Variants in ATP8A2 observed in about 807,000 individuals in gnomAD.
ATP8A2 encodes the protein ATPase phospholipid transporting 8A2.
A neutral mutation model predicts 165.6 loss-of-function variants in ATP8A2; 100 were observed. The observed-to-expected ratio is 0.60, with a 90% CI of 0.51 to 0.71. ATP8A2 has a LOEUF of 0.71. Ranked by LOEUF, ATP8A2 falls within the 30% of genes least tolerant of loss-of-function variation. ATP8A2 has a pLI of 0.00. For synonymous variants in ATP8A2, 543 were observed against 548.8 expected, an observed-to-expected ratio of 0.99 and a Z score of 0.15; for missense variants, 1,227 against 1,479.5, an observed-to-expected ratio of 0.83 and a Z score of 2.80.
chr13:25,843,143 G>T (rs1331642639), intron 30 of ATP8A2, among the ~76,000 whole-genome samples: 1 of 152,186 alleles, frequency 6.6e-6, no homozygotes, highest in African/African-American at 2.4e-5. Context: ...AAGAGGAGTA[G>T]GGGGTGGTCA....
At chr13:25,477,667 T>C (rs1194262431) in intron 2 of ATP8A2, among the ~76,000 whole-genome samples, 1 of 152,232 alleles carries the variant, frequency 6.6e-6, no homozygotes, top group Non-Finnish European at 1.5e-5. Flanking sequence ...CCAGGTGTGG[T>C]GGCTCACACC....
intron 27 of ATP8A2, among the ~76,000 whole-genome samples, chr13:25,812,759 A>C (rs1325770721): frequency 6.6e-6 from 1 of 152,096 alleles, no homozygotes; most frequent in Non-Finnish European, 1.5e-5. Flanking sequence ...GGTAGAAGGA[A>C]TGATACAAAA....
chr13:25,618,360 G>C (rs1386678397), intron 24 of ATP8A2, among the ~76,000 whole-genome samples: 1 of 152,096 alleles, frequency 6.6e-6, no homozygotes, highest in African/African-American at 2.4e-5. Flanking sequence ...AAATGACATT[G>C]ATACAGCTGG....
chr13:25,679,466 G>A (rs2042438703), intron 24 of ATP8A2, among the ~76,000 whole-genome samples: 1 of 152,174 alleles, frequency 6.6e-6, no homozygotes, highest in Non-Finnish European at 1.5e-5. Flanking sequence ...ACTTCCTTGG[G>A]TGTTAGGTCT....
At chr13:25,769,944 T>G (rs1033874852) in intron 26 of ATP8A2, among the ~76,000 whole-genome samples, 7 of 152,172 alleles carry the variant, frequency 4.6e-5, no homozygotes, top group African/African-American at 1.7e-4. Flanking sequence ...TCCGTAATGA[T>G]AGCCCAAAGG....
At chr13:25,829,668 GTATATATATATATATATATATATATA>G (rs71080203) in intron 28 of ATP8A2, among the ~76,000 whole-genome samples, 941 of 63,430 alleles carry the variant, frequency 0.015, 70 homozygotes, top group African/African-American at 0.051. Flanking sequence ...GACAGGTGTG[GTATATATATATATATATATATATATA>G]TATATATATA....
At chr13:26,005,951 A>T (rs2139336467) in intron 35 of ATP8A2, among the ~76,000 whole-genome samples, 1 of 152,026 alleles carries the variant, frequency 6.6e-6, no homozygotes, top group Middle Eastern at 3.4e-3. Context: ...GAGTTCTATG[A>T]CTTTGTTCTT....
chr13:25,420,093 C>T (rs1174888125), intron 1 of ATP8A2, among the ~76,000 whole-genome samples: 1 of 152,188 alleles, frequency 6.6e-6, no homozygotes, highest in East Asian at 1.9e-4. Context: ...TAAAATCAGT[C>T]ACAGACTCAG....
intron 33 of ATP8A2, among the ~76,000 whole-genome samples, chr13:25,872,068 G>A (rs984516211): frequency 2.2e-5 from 2 of 91,494 alleles, no homozygotes; most frequent in Non-Finnish European, 4.2e-5. Context: ...GCCCTCTTTC[G>A]GAATGCGCAT....
chr13:25,878,245 C>G (rs940432027), intron 33 of ATP8A2, among the ~76,000 whole-genome samples: 1 of 152,116 alleles, frequency 6.6e-6, no homozygotes. Flanking sequence ...TCAGACAACC[C>G]TGTGACTTGC....
At chr13:25,560,660 A>G (rs1360798831) in intron 15 of ATP8A2, among the ~76,000 whole-genome samples, 1 of 140,478 alleles carries the variant, frequency 7.1e-6, no homozygotes, top group Non-Finnish European at 1.5e-5. Context: ...AGATGGCACC[A>G]CTGCATTCCA....
At chr13:25,560,514 A>G (rs1379651651) in intron 15 of ATP8A2, among the ~76,000 whole-genome samples, 1 of 151,934 alleles carries the variant, frequency 6.6e-6, no homozygotes, top group Non-Finnish European at 1.5e-5. Flanking sequence ...AGCCTGGCCA[A>G]CATGGTGAAA....
At chr13:25,620,411 TAA>T (rs1273804779) in intron 24 of ATP8A2, among the ~76,000 whole-genome samples, 2 of 152,100 alleles carry the variant, frequency 1.3e-5, no homozygotes, top group African/African-American at 2.4e-5. Flanking sequence ...TCACAAAAGT[TAA>T]GAGCTGAGAG....
rs144283908 is a variant in ATP8A2, at chr13:25,892,478, G to GTCTCTCTCTCTCTCTCTCTCTC, written c.3183+30075_3183+30096dup. On this transcript the variant is annotated intron_variant, in intron 33 of 36. Transcript: ENST00000381655. ...CATTTCTCTCTCTCTCTGTCTCTCT[G>GTCTCTCTCTCTCTCTCTCTCTC]TCTCTCTCTCTCTCTCTCTCTCTCT... Among the ~76,000 whole-genome samples the GTCTCTCTCTCTCTCTCTCTCTC allele has an allele frequency of 5.5e-3, 745 of 136,152 alleles. 42 individuals are homozygous for GTCTCTCTCTCTCTCTCTCTCTC. The highest frequency in any genetic ancestry group is 0.015 in the Admixed American group (195 of 13,440). The allele number at this position is 136,152 out of a possible 152,430, so 89.3% of individuals were successfully genotyped here. A position where few individuals can be genotyped will look rare whatever the true frequency, so the allele number is the denominator to read the frequency against.
At chr13:25,813,810 CT>C (rs1377516149) in intron 27 of ATP8A2, among the ~76,000 whole-genome samples, 1 of 152,166 alleles carries the variant, frequency 6.6e-6, no homozygotes, top group African/African-American at 2.4e-5. Context: ...AATAGGGAGA[CT>C]GAGGACAGCA....
chr13:25,397,888 T>C (rs747472919), intron 1 of ATP8A2, among the ~76,000 whole-genome samples: 8 of 152,170 alleles, frequency 5.3e-5, no homozygotes, highest in Admixed American at 4.6e-4. Flanking sequence ...GATTTCCTGA[T>C]TGACAATTGG....
intron 24 of ATP8A2, among the ~76,000 whole-genome samples, chr13:25,670,950 G>A (rs2042250070): frequency 2.0e-5 from 3 of 152,194 alleles, no homozygotes; most frequent in Non-Finnish European, 2.9e-5. Flanking sequence ...TGGCAGTTCT[G>A]TTAAGTGTCT....
At chr13:25,509,292 A>T (rs905995016) in intron 2 of ATP8A2, among the ~76,000 whole-genome samples, 3 of 152,218 alleles carry the variant, frequency 2.0e-5, no homozygotes, top group Non-Finnish European at 4.4e-5. Context: ...ACCATCATAA[A>T]AATTTACATG....
chr13:25,734,687 G>A (rs1054243042), intron 25 of ATP8A2, among the ~76,000 whole-genome samples: 2 of 152,138 alleles, frequency 1.3e-5, no homozygotes, highest in African/African-American at 2.4e-5. Flanking sequence ...TGCCTAGGCT[G>A]GAGTGCAGTG....
Sources: allele counts gnomAD v4.1 joint callset (sites outside exome capture counted in the v4.1 genomes callset), GRCh38; gene constraint gnomAD v4.1.1; transcripts MANE v1.5; gene names NCBI Gene and HGNC (gene_info 2026-07-23, HGNC 2026-07-21).